The following CFAP46 variants were observed in gnomAD, a reference collection of about 807,000 sequenced individuals.
The protein encoded by CFAP46 is cilia and flagella associated protein 46.
Under a neutral mutation model 325.7 loss-of-function variants are expected in CFAP46, and 245 were observed. The observed-to-expected ratio is 0.75, with a 90% CI of 0.68 to 0.84. The LOEUF (loss-of-function observed/expected upper bound fraction) is 0.84. Ranked by LOEUF, CFAP46 falls within the 40% of genes least tolerant of loss-of-function variation. The pLI, the probability that CFAP46 is intolerant of heterozygous loss-of-function variation, is 0.00. For missense variants in CFAP46, 3,346 were observed against 3,543.0 expected, an observed-to-expected ratio of 0.94 and a Z score of 1.41; for synonymous variants, 1,523 against 1,495.9, an observed-to-expected ratio of 1.02 and a Z score of -0.42.
chr10:132,812,927 G>A (rs377749593), intron 54 of CFAP46, 30 bp from the exon 55 acceptor site: 6 of 1,559,378 alleles, frequency 3.8e-6, no homozygotes, highest in African/African-American at 2.7e-5. Flanking sequence ...CTGGTCAACA[G>A]TGCCCATGCA....
In CFAP46 at chr10:132,850,597, G is replaced by A. The variant is rs572522915; in HGVS notation, c.5764-165C>T. On this transcript the variant is annotated intron_variant, in intron 40 of 57. Coordinates refer to ENST00000368586, the MANE Select transcript of CFAP46 (RefSeq NM_001200049.3). ...GAGGGTCTCCAGGGCTCTGGTGTGG[G>A]GGTCACAGACGTCTGCTCATAGAAC... is the stretch of plus-strand genomic sequence containing the variant. Among the ~76,000 whole-genome samples the A allele has an allele frequency of 2.6e-5, 4 of 152,346 alleles. No individual in the cohort carries two copies. The East Asian group carries it at 7.7e-4, about 29-fold the overall frequency.
Position 132,819,156 on chromosome 10 carries a change from T to C in CFAP46, c.7118-4242A>G, listed in dbSNP as rs188249734. ...TAAGAAAACCACCCTATTTATAATA[T>C]CATCAGAACGAATAAAATACTTAGG... On this transcript the variant is annotated intron_variant, in intron 50 of 57. Transcript: ENST00000368586. Among the ~76,000 whole-genome samples the C allele has an allele frequency of 2.1e-4, 32 of 152,264 alleles. No homozygotes were observed. In the East Asian group the frequency reaches 6.2e-3, roughly 29 times the overall value.
rs190948982 is a variant in CFAP46, at chr10:132,938,961, G to A, written c.372-208C>T. ...GCCCTTCCCTGGGACAGCCTTGGGC[G>A]ACCCTGCGTCCGACGTGCCATGGCT... On this transcript the variant is annotated intron_variant, in intron 4 of 57. Transcript: ENST00000368586. 2.8e-3 allele frequency among the ~76,000 whole-genome samples: 423 copies of A among 152,268 alleles called. 2 individuals carry two copies. Among genetic ancestry groups the A allele is most frequent in the African/African-American group, 9.2e-3 (381 of 41,566 alleles).
chr10:132,931,853 TA>T (rs1849912645), intron 8 of CFAP46, among the ~76,000 whole-genome samples: 1 of 63,684 alleles, frequency 1.6e-5, no homozygotes, highest in Non-Finnish European at 3.0e-5. Flanking sequence ...TGGGCCTCCT[TA>T]CACTCCCCAC....
intron 32 of CFAP46, among the ~76,000 whole-genome samples, chr10:132,871,613 A>G (rs1478928564): frequency 2.6e-5 from 4 of 152,264 alleles, no homozygotes; most frequent in African/African-American, 9.6e-5. Context: ...TGGAGGAAAT[A>G]GCAAGAGAAG....
Position 132,808,702 on chromosome 10 carries a change from G to A in CFAP46, c.7867C>T (p.Leu2623Phe), listed in dbSNP as rs1186772049. The change falls in exon 58 of 58, where the codon CTC becomes TTC. Residue 2623 changes from leucine to phenylalanine, a missense_variant. Transcript: ENST00000368586. The surrounding 1 kb of genome is among the most constrained non-coding windows in gnomAD (Gnocchi z 6.8). Reference protein sequence around the residue: ...GSAPLPTHPHLPAPIPSSQLA... With the variant: ...GSAPLPTHPHFPAPIPSSQLA... ...TGGGAGCTGGGGATGGGAGCCGGGA[G>A]GTGGGGATGGGTTGGCAGAGGGGCA... 6.4e-7 allele frequency: 1 copy of A among 1,569,084 alleles called. No individual in the cohort carries two copies. The highest frequency in any genetic ancestry group is 8.6e-7 in the Non-Finnish European group (1 of 1,157,232).
At chr10:132,822,510 GC>G (rs1847884567) in intron 50 of CFAP46, among the ~76,000 whole-genome samples, 1 of 131,574 alleles carries the variant, frequency 7.6e-6, no homozygotes. Flanking sequence ...TGTGCTGTGT[GC>G]TGATGTGTGC....
At position 132,834,701 on chromosome 10, in the gene CFAP46, C is replaced by G; in HGVS notation, c.6819G>C (p.Glu2273Asp). 2 of 1,613,044 alleles carry G rather than the reference C, an allele frequency of 1.2e-6. No individual in the cohort carries two copies. The highest frequency in any genetic ancestry group is 1.7e-6 in the Non-Finnish European group (2 of 1,179,922). Residue 2273 changes from glutamate (E) to aspartate (D), a missense_variant, in exon 48 of 58, where the codon GAG (glutamate) becomes GAC (aspartate). Physicochemically the swap from Glu to Asp is conservative, Grantham distance 45. Coordinates refer to ENST00000368586, the MANE Select transcript of CFAP46 (RefSeq NM_001200049.3). ...QRLSSVLGPLEELLQPLFPLL... is the reference protein window; with the variant it reads ...QRLSSVLGPLDELLQPLFPLL... ...GGGGGAATAGCGGCTGCAGAAGCTC[C>G]TCCAGGGGCCCCAGGACGCTACTGA... is the stretch of plus-strand genomic sequence containing the variant.
chr10:132,917,553 GC>G (rs1273001753), intron 16 of CFAP46, among the ~76,000 whole-genome samples: 2 of 152,202 alleles, frequency 1.3e-5, no homozygotes, highest in Admixed American at 1.3e-4. Context: ...TGCAGCAAAT[GC>G]CGAGGTACCA....
At chr10:132,866,778 C>T (rs930064853) in intron 34 of CFAP46, among the ~76,000 whole-genome samples, 12 of 152,246 alleles carry the variant, frequency 7.9e-5, no homozygotes, top group Non-Finnish European at 1.8e-4. Context: ...TTTGCCCCTC[C>T]ATGGTGCTCC....
In CFAP46 at chr10:132,899,107, G is replaced by A. The variant is rs563577399; in HGVS notation, c.3071C>T (p.Ala1024Val). The A allele has an allele frequency of 2.6e-4, 393 of 1,520,544 alleles. 3 individuals carry two copies. The African/African-American group carries it at 4.5e-3, about 17-fold the overall frequency. 94.2% of individuals were successfully genotyped at this position (1,520,544 alleles called of 1,614,324 possible). A position where few individuals can be genotyped will look rare whatever the true frequency, so the allele number is the denominator to read the frequency against. ...FTESARFGGI[A>V]GSSALVMLAA... ...CAGCATCACCAGGGCGCTGCTGCCC[G>A]CGATGCCTCCGAACCTAAAAGAGGG... Residue 1024 changes from alanine to valine, a missense_variant, in exon 24 of 58, where the codon GCG (alanine) becomes GTG (valine). By Grantham distance (64) the Ala-to-Val change is moderately conservative (BLOSUM62 0). Transcript: ENST00000368586.
chr10:132,814,722 G>T lies in CFAP46; in HGVS notation c.7213C>A (p.Pro2405Thr). The T allele has an allele frequency of 6.2e-6, 10 of 1,613,204 alleles. No homozygotes were observed. The highest frequency in any genetic ancestry group is 4.5e-5 in the East Asian group (2 of 44,870). ...TCTGAGTCGACTATGATGCAGTCAG[G>T]GGGGATGGTCCGGGGGATGCTGCCC... ...RKGSIPRTIP[P>T]DCIIVDSDNF... The change falls in exon 52 of 58, where the codon CCT becomes ACT. Residue 2405 changes from proline (P) to threonine (T), a missense_variant. Coordinates refer to ENST00000368586, the MANE Select transcript of CFAP46 (RefSeq NM_001200049.3).
chr10:132,862,301 T>C (rs1463926622), intron 35 of CFAP46, among the ~76,000 whole-genome samples: 1 of 151,956 alleles, frequency 6.6e-6, no homozygotes, highest in Non-Finnish European at 1.5e-5. Context: ...GCGGGGCTTG[T>C]TGAGGGCAGC....
intron 45 of CFAP46, among the ~76,000 whole-genome samples, chr10:132,836,490 C>G (rs1383430789): frequency 6.6e-6 from 1 of 152,214 alleles, no homozygotes; most frequent in Non-Finnish European, 1.5e-5. Context: ...CCGGCTGGCT[C>G]CAGGCCAGTG....
In CFAP46 at chr10:132,921,984, G is replaced by T. The variant is rs560925293; in HGVS notation, c.1606+120C>A. On this transcript the variant is annotated intron_variant, in intron 13 of 57. Coordinates refer to ENST00000368586, the MANE Select transcript of CFAP46 (RefSeq NM_001200049.3). ...GATCGAAGGACACTGCCGGTGCAAGGTCCTTGTGCATCCAGGGGGCGGTGG... is the reference window on the plus strand; with the variant it reads ...GATCGAAGGACACTGCCGGTGCAAGTTCCTTGTGCATCCAGGGGGCGGTGG... 109 of 1,277,896 alleles carry T rather than the reference G, an allele frequency of 8.5e-5. No individual in the cohort carries two copies. In the East Asian group the frequency reaches 2.8e-3, roughly 33 times the overall value. The allele number at this position is 1,277,896 out of a possible 1,614,324, so 79.2% of individuals were successfully genotyped here. A position where few individuals can be genotyped will look rare whatever the true frequency, so the allele number is the denominator to read the frequency against.
chr10:132,883,936 A>C (rs944892634), intron 27 of CFAP46, among the ~76,000 whole-genome samples: 1 of 152,202 alleles, frequency 6.6e-6, no homozygotes, highest in Non-Finnish European at 1.5e-5. Flanking sequence ...GGGGTGATGA[A>C]ACCTTCTAAA....
intron 39 of CFAP46, among the ~76,000 whole-genome samples, chr10:132,853,051 T>A (rs2135162743): frequency 6.6e-6 from 1 of 151,548 alleles, no homozygotes; most frequent in Admixed American, 6.7e-5. Context: ...TTTCCTTTTT[T>A]CCTGCCGGAT....
rs555034084 is a variant in CFAP46, at chr10:132,939,757, C to T, written c.372-1004G>A. Among the ~76,000 whole-genome samples, 6 of 152,300 alleles carry T rather than the reference C, an allele frequency of 3.9e-5. No individual in the cohort carries two copies. The South Asian group carries it at 1.2e-3, about 32-fold the overall frequency. On this transcript the variant is annotated intron_variant, in intron 4 of 57. Transcript: ENST00000368586. The surrounding 1 kb of genome is among the most constrained non-coding windows in gnomAD (Gnocchi z 4.6). ...GCGGCCTGCTGCGTCTCCCTGAGTG[C>T]TGCGTCTCCCTGAGTGCTGCGTCTC...
At chr10:132,909,072 G>A (rs1217393263) in intron 21 of CFAP46, 65 bp downstream of exon 21, 10 of 1,221,206 alleles carry the variant, frequency 8.2e-6, no homozygotes, top group Non-Finnish European at 9.3e-6. Context: ...CAGCCACCTA[G>A]GGCAAGAGCC....
Sources: gnomAD v4.1 joint callset for allele counts (sites outside exome capture counted in the v4.1 genomes callset) on GRCh38, gnomAD v4.1.1 for gene constraint, Gnocchi (gnomAD v3.1) non-coding constraint, MANE v1.5 for transcripts, NCBI Gene and HGNC (gene_info 2026-07-23, HGNC 2026-07-21) for gene names.